ESRRG: variants seen among roughly 807,000 people sequenced by gnomAD.
The protein encoded by ESRRG is estrogen-related receptor gamma.
Under a neutral mutation model 44.0 loss-of-function variants are expected in ESRRG, and 13 were observed. The ratio of observed to expected loss-of-function variants is 0.30; its 90% CI spans 0.19 to 0.47. The LOEUF is 0.47. Among genes scored for constraint, ESRRG ranks in the 20% least tolerant of loss-of-function variants. The pLI is 1.00. For synonymous variants in ESRRG, 215 were observed against 214.6 expected (o/e 1.00, Z -0.02); for missense variants, 395 against 580.6 (o/e 0.68, Z 3.29).
intron 2 of ESRRG, among the ~76,000 whole-genome samples, chr1:216,920,900 C>T (rs2061756853): frequency 6.6e-6 from 1 of 152,142 alleles, no homozygotes; most frequent in Admixed American, 6.5e-5. Context: ...GTTGTAGAGG[C>T]AGCATTATGC....
At chr1:216,988,239 G>A (rs1417469142) in intron 1 of ESRRG, among the ~76,000 whole-genome samples, 1 of 152,132 alleles carries the variant, frequency 6.6e-6, no homozygotes, top group Non-Finnish European at 1.5e-5. Context: ...AGCCATATAT[G>A]GCCAACAGCA....
At chr1:216,899,057 G>A (rs1337907493) in intron 2 of ESRRG, among the ~76,000 whole-genome samples, 1 of 152,176 alleles carries the variant, frequency 6.6e-6, no homozygotes, top group Non-Finnish European at 1.5e-5. Flanking sequence ...AAGGGTCTCA[G>A]GAGAAGTAGT....
At chr1:216,860,708 G>A (rs893470264) in intron 2 of ESRRG, among the ~76,000 whole-genome samples, 4 of 152,042 alleles carry the variant, frequency 2.6e-5, no homozygotes, top group African/African-American at 7.2e-5. Context: ...ATGATTCATC[G>A]CAAGCAAAAC....
At chr1:216,784,219 A>C (rs2094039277) in intron 2 of ESRRG, among the ~76,000 whole-genome samples, 1 of 151,908 alleles carries the variant, frequency 6.6e-6, no homozygotes, top group African/African-American at 2.4e-5. Context: ...TCAATATTTT[A>C]ACATCTTTTT....
intron 2 of ESRRG, among the ~76,000 whole-genome samples, chr1:216,804,630 C>T (rs897908773): frequency 1.3e-5 from 2 of 151,976 alleles, no homozygotes; most frequent in Non-Finnish European, 2.9e-5. Flanking sequence ...CTTGCTTCTG[C>T]TACACCACAC....
chr1:216,756,165 A>T (rs949740233), intron 2 of ESRRG, among the ~76,000 whole-genome samples: 1 of 152,068 alleles, frequency 6.6e-6, no homozygotes, highest in African/African-American at 2.4e-5. Context: ...GTGTGGAAAT[A>T]GATGCAATAA....
intron 2 of ESRRG, among the ~76,000 whole-genome samples, chr1:216,850,839 G>T (rs1009954180): frequency 6.6e-6 from 1 of 151,802 alleles, no homozygotes; most frequent in South Asian, 2.1e-4. Context: ...GAATGAACGG[G>T]ACAAAAGATC....
chr1:216,707,447 A>G, intron 1 of ESRRG: 6 of 1,535,674 alleles, frequency 3.9e-6, no homozygotes, highest in Non-Finnish European at 5.2e-6. Context: ...CTAAATGCAC[A>G]ATTCCTAATT....
At chr1:216,669,140 G>T (rs2074622405) in intron 2 of ESRRG, among the ~76,000 whole-genome samples, 1 of 151,918 alleles carries the variant, frequency 6.6e-6, no homozygotes, top group Non-Finnish European at 1.5e-5. Flanking sequence ...AACAGAGAAG[G>T]CATGTGGCAC....
intron 6 of ESRRG, among the ~76,000 whole-genome samples, chr1:216,515,220 C>T (rs909757276): frequency 9.2e-5 from 14 of 151,512 alleles, no homozygotes; most frequent in East Asian, 7.8e-4. Context: ...AGGTAAAATG[C>T]GTATATATAA....
At chr1:216,521,669 C>T (rs546793762) in intron 5 of ESRRG, among the ~76,000 whole-genome samples, 2 of 152,276 alleles carry the variant, frequency 1.3e-5, no homozygotes, top group South Asian at 4.1e-4. Flanking sequence ...CCAATCTCCA[C>T]ACATCTTTCT....
intron 2 of ESRRG, among the ~76,000 whole-genome samples, chr1:216,787,779 G>A (rs2094181086): frequency 6.6e-6 from 1 of 152,090 alleles, no homozygotes; most frequent in South Asian, 2.1e-4. Flanking sequence ...GGTTAGCCAA[G>A]TTGTGAATGT....
At chr1:216,778,960 G>C (rs2147780984) in intron 2 of ESRRG, among the ~76,000 whole-genome samples, 1 of 150,374 alleles carries the variant, frequency 6.7e-6, no homozygotes, top group Non-Finnish European at 1.5e-5. Flanking sequence ...CTGAAGCCAT[G>C]GGCCTCTTCC....
chr1:217,119,187 T>C (rs2092785303), intron 1 of ESRRG, among the ~76,000 whole-genome samples: 1 of 152,224 alleles, frequency 6.6e-6, no homozygotes, highest in African/African-American at 2.4e-5. Flanking sequence ...TTCATTACTG[T>C]GCACAAAGAA....
intron 1 of ESRRG, among the ~76,000 whole-genome samples, chr1:216,719,496 A>T (rs2085693844): frequency 6.6e-6 from 1 of 152,064 alleles, no homozygotes; most frequent in Non-Finnish European, 1.5e-5. Flanking sequence ...GATTTCCTGC[A>T]TTATTTTTAA....
intron 5 of ESRRG, among the ~76,000 whole-genome samples, chr1:216,523,747 G>C (rs2046812694): frequency 1.3e-5 from 2 of 151,670 alleles, no homozygotes; most frequent in African/African-American, 4.9e-5. Flanking sequence ...TTGAAATAGA[G>C]AGCAAGCATT....
chr1:216,692,069 A>G (rs1445630393), intron 1 of ESRRG, among the ~76,000 whole-genome samples: 2 of 152,320 alleles, frequency 1.3e-5, no homozygotes, highest in East Asian at 3.9e-4. Context: ...TATTTACTAT[A>G]CTTTTTAATC....
chr1:216,536,977 G>C lies in ESRRG; in HGVS notation c.863-17556C>G, dbSNP rs1436234069. On this transcript the variant is annotated intron_variant, in intron 5 of 6. Coordinates refer to ENST00000408911, the MANE Select transcript of ESRRG (RefSeq NM_001438.4). ...AGCTGCTGTTGTAAGCAGTGGGAGA[G>C]GGGGTCAAGGAAAGCCTCACTGGTA... 2.0e-5 allele frequency among the ~76,000 whole-genome samples: 3 copies of C among 152,066 alleles called. No homozygotes were observed. The South Asian group carries it at 6.2e-4, about 32-fold the overall frequency.
intron 2 of ESRRG, among the ~76,000 whole-genome samples, chr1:216,744,480 A>ACATG (rs1367483227): frequency 4.2e-5 from 1 of 23,792 alleles, no homozygotes; most frequent in African/African-American, 9.6e-5. Context: ...GTGCACACAG[A>ACATG]CATGCACACA....
Sources: gnomAD v4.1 joint callset for allele counts (sites outside exome capture counted in the v4.1 genomes callset) on GRCh38, gnomAD v4.1.1 for gene constraint, MANE v1.5 for transcripts, NCBI Gene and HGNC (gene_info 2026-07-23, HGNC 2026-07-21) for gene names.